Variants in ASXL3 observed in about 807,000 individuals in gnomAD.
ASXL3 encodes the protein putative Polycomb group protein ASXL3.
ASXL3 carries 34 observed loss-of-function variants against 170.6 expected under a neutral mutation model. That is an observed-to-expected ratio of 0.20 (90% CI 0.15 to 0.27). The LOEUF is 0.27. Among genes scored for constraint, ASXL3 ranks in the 10% least tolerant of loss-of-function variants. The pLI, the probability that ASXL3 is intolerant of heterozygous loss-of-function variation, is 1.00. For missense variants in ASXL3, 2,592 were observed against 2,695.3 expected, an observed-to-expected ratio of 0.96 and a Z score of 0.85; for synonymous variants, 1,002 against 989.1, an observed-to-expected ratio of 1.01 and a Z score of -0.24.
At chr18:33,736,345 C>CTTT (rs542733136) in intron 10 of ASXL3, among the ~76,000 whole-genome samples, 4,696 of 151,820 alleles carry the variant, frequency 0.031, 78 homozygotes, top group South Asian at 0.064. Context: ...CTACTTAGCC[C>CTTT]TTTTTTTTGC....
At chr18:33,578,925 A>G (rs2064969811) in intron 1 of ASXL3, 1 of 192,486 alleles carries the variant, frequency 5.2e-6, no homozygotes, top group South Asian at 1.9e-4. Context: ...CGCCCGGGAC[A>G]CTTCTCCCCG....
rs773001415 is a variant in ASXL3, at chr18:33,740,280, C to T, written c.2876C>T (p.Ser959Leu). ...PDGIRNESRD[S>L]EISKRKTAEQ... Reference sequence around the variant, plus strand: ...GGGATAAGAAATGAAAGTAGAGATTCAGAGATATCAAAGAGAAAAACTGCA... The same window carrying T: ...GGGATAAGAAATGAAAGTAGAGATTTAGAGATATCAAAGAGAAAAACTGCA... Residue 959 changes from serine to leucine, a missense_variant, in exon 11 of 12, where the codon TCA becomes TTA. Physicochemically the swap from Ser to Leu is moderately radical, Grantham distance 145 (BLOSUM62 -2). This residue lies in a region of ASXL3 where 2,246 missense variants were observed against 2,219.6 expected (regional missense o/e 1.01). Coordinates refer to ENST00000269197, the MANE Select transcript of ASXL3 (RefSeq NM_030632.3). 4.3e-6 allele frequency: 7 copies of T among 1,612,632 alleles called. No homozygotes were observed. Among genetic ancestry groups the T allele is most frequent in the Non-Finnish European group, 5.9e-6 (7 of 1,179,224 alleles).
chr18:33,705,735 T>A (rs1399572363), intron 8 of ASXL3, among the ~76,000 whole-genome samples: 8 of 151,982 alleles, frequency 5.3e-5, no homozygotes, highest in African/African-American at 1.9e-4. Flanking sequence ...CATTTATTTT[T>A]GTGTGAAAGT....
At chr18:33,641,303 C>T (rs1426675552) in intron 2 of ASXL3, among the ~76,000 whole-genome samples, 2 of 151,988 alleles carry the variant, frequency 1.3e-5, no homozygotes, top group African/African-American at 4.8e-5. Flanking sequence ...TTAAATTATG[C>T]CTGCTCCCTT....
chr18:33,657,571 A>G (rs2066103535), intron 4 of ASXL3, among the ~76,000 whole-genome samples: 1 of 152,042 alleles, frequency 6.6e-6, no homozygotes, highest in Non-Finnish European at 1.5e-5. Context: ...GTTCCATAGT[A>G]TTTTCAAGTT....
At chr18:33,717,579 C>G (rs1599536769) in intron 8 of ASXL3, among the ~76,000 whole-genome samples, 1 of 152,184 alleles carries the variant, frequency 6.6e-6, no homozygotes, top group East Asian at 1.9e-4. Flanking sequence ...GATAACAGAG[C>G]TGGGCTTAGT....
intron 1 of ASXL3, among the ~76,000 whole-genome samples, chr18:33,595,213 G>T (rs2065115042): frequency 6.6e-6 from 1 of 152,112 alleles, no homozygotes; most frequent in Admixed American, 6.6e-5. Context: ...TTTGCCCGTG[G>T]ACTCCCATTG....
At chr18:33,601,253 TGTTCAAAG>T (rs544101769) in intron 1 of ASXL3, among the ~76,000 whole-genome samples, 43 of 152,164 alleles carry the variant, frequency 2.8e-4, no homozygotes, top group Non-Finnish European at 5.6e-4. Flanking sequence ...TTCTAGGCTG[TGTTCAAAG>T]GGGCCAGCTT....
intron 2 of ASXL3, among the ~76,000 whole-genome samples, chr18:33,641,035 A>T (rs1264657027): frequency 6.6e-6 from 1 of 152,114 alleles, no homozygotes; most frequent in Admixed American, 6.6e-5. Context: ...TTATATATAA[A>T]GGAATAGTGG....
In ASXL3 at chr18:33,739,982, A is replaced by G. The variant is rs377257303; in HGVS notation, c.2578A>G (p.Met860Val). 1.2e-6 allele frequency: 2 copies of G among 1,613,838 alleles called. No homozygotes were observed. Among genetic ancestry groups the G allele is most frequent in the African/African-American group, 1.3e-5 (1 of 74,928 alleles). Residue 860 changes from methionine to valine, a missense_variant, in exon 11 of 12, where the codon ATG becomes GTG. Coordinates refer to ENST00000269197, the MANE Select transcript of ASXL3 (RefSeq NM_030632.3). The stretch of plus-strand genomic sequence containing the variant: ...AATTCCAGAACTTGCTTCTACTGAA[A>G]TGATAAAAGTTAAAAATCATAGCGT... ...ASIPELASTE[M>V]IKVKNHSVLQ...
At chr18:33,657,733 T>C (rs535865572) in intron 4 of ASXL3, among the ~76,000 whole-genome samples, 2 of 150,828 alleles carry the variant, frequency 1.3e-5, no homozygotes, top group South Asian at 2.1e-4. Flanking sequence ...CTAAATAGAG[T>C]ATTTTGAGGG....
chr18:33,734,398 G>A lies in ASXL3; in HGVS notation c.1065G>A (p.Glu355=). ...KTEPWKEKFF[E]RFYGEKLGMS... ...AACCTTGGAAAGAAAAATTCTTTGA[G>A]AGGTTTTATGGAGAAAAGTAAGTAC... Residue 355 remains glutamate (E), a synonymous_variant, in exon 10 of 12, where the codon GAG becomes GAA. Coordinates refer to ENST00000269197, the MANE Select transcript of ASXL3 (RefSeq NM_030632.3). The A allele has an allele frequency of 6.2e-7, 1 of 1,602,250 alleles. No homozygotes were observed. Among genetic ancestry groups the A allele is most frequent in the Non-Finnish European group, 8.5e-7 (1 of 1,174,348 alleles).
At position 33,578,656 on chromosome 18, in the gene ASXL3, G is replaced by A; in HGVS notation, c.25G>A (p.Asp9Asn). The stretch of plus-strand genomic sequence containing the variant: ...CATGAAAGACAAGAGGAAGAAGAAG[G>A]ACCGCACCTGGGCCGAGGCTGCCCG... MKDKRKKKDRTWAEAARLA... is the reference protein window; with the variant it reads MKDKRKKKNRTWAEAARLA... The change falls in exon 1 of 12, where the codon GAC becomes AAC. Residue 9 changes from aspartate (D) to asparagine (N), a missense_variant. Physicochemically the swap from Asp to Asn is conservative, Grantham distance 23. Transcript: ENST00000269197. 1.5e-6 allele frequency: 2 copies of A among 1,363,414 alleles called. No homozygotes were observed. Among genetic ancestry groups the A allele is most frequent in the African/African-American group, 1.5e-5 (1 of 65,756 alleles). The allele number at this position is 1,363,414 out of a possible 1,614,324, so 84.5% of individuals were successfully genotyped here. A position where few individuals can be genotyped will look rare whatever the true frequency, so the allele number is the denominator to read the frequency against.
chr18:33,734,174 G>A (rs2067506234), intron 9 of ASXL3, 136 bp from the exon 10 acceptor site: 1 of 492,558 alleles, frequency 2.0e-6, no homozygotes, highest in South Asian at 4.2e-5. Context: ...AAGAGAAGAT[G>A]TAGAAATGTT....
chr18:33,728,919 A>G (rs2067394838), intron 8 of ASXL3, among the ~76,000 whole-genome samples: 1 of 151,980 alleles, frequency 6.6e-6, no homozygotes, highest in African/African-American at 2.4e-5. Flanking sequence ...GTGGTGCTTC[A>G]CAACTTTCCA....
chr18:33,648,215 C>T (rs556962927), intron 4 of ASXL3, among the ~76,000 whole-genome samples: 2 of 152,088 alleles, frequency 1.3e-5, no homozygotes, highest in South Asian at 2.1e-4. Context: ...GAAAAAGATA[C>T]GAGAACAAGG....
chr18:33,693,397 A>G (rs552255581), intron 8 of ASXL3, among the ~76,000 whole-genome samples: 1 of 152,324 alleles, frequency 6.6e-6, no homozygotes, highest in East Asian at 1.9e-4. Flanking sequence ...TAAATTGGAG[A>G]CAAAGCTTAT....
At chr18:33,584,262 T>TG (rs367566630) in intron 1 of ASXL3, among the ~76,000 whole-genome samples, 11 of 151,430 alleles carry the variant, frequency 7.3e-5, no homozygotes, top group African/African-American at 1.9e-4. Context: ...CCAGAAGACT[T>TG]GGGGGGGCAT....
At chr18:33,691,240 C>A (rs1456366200) in intron 8 of ASXL3, among the ~76,000 whole-genome samples, 1 of 152,206 alleles carries the variant, frequency 6.6e-6, no homozygotes, top group African/African-American at 2.4e-5. Flanking sequence ...CCTCTCCATA[C>A]AGTCCCCTCT....
Sources: gnomAD v4.1 joint callset for allele counts (sites outside exome capture counted in the v4.1 genomes callset) on GRCh38, gnomAD v4.1.1 for gene constraint, gnomAD v4.1.1 regional missense constraint, MANE v1.5 for transcripts, NCBI Gene and HGNC (gene_info 2026-07-23, HGNC 2026-07-21) for gene names.